ACOXL: variants seen among roughly 807,000 people sequenced by gnomAD.
ACOXL encodes acyl-CoA oxidase like.
Under a neutral mutation model 71.9 loss-of-function variants are expected in ACOXL, and 70 were observed. The ratio of observed to expected loss-of-function variants is 0.97; its 90% CI spans 0.80 to 1.19. The LOEUF is 1.19. Among genes scored for constraint, ACOXL ranks in the 50% most tolerant of loss-of-function variants. The probability of loss-of-function intolerance (pLI) is 0.00; values close to 1 mark genes in which losing one functional copy is unlikely to be tolerated. For missense variants in ACOXL, 703 were observed against 736.3 expected (o/e 0.95, Z 0.52); for synonymous variants, 253 against 281.6 (o/e 0.90, Z 1.02).
intron 12 of ACOXL, among the ~76,000 whole-genome samples, chr2:110,935,223 G>A (rs927923312): frequency 5.3e-5 from 8 of 152,118 alleles, no homozygotes; most frequent in African/African-American, 1.9e-4. Context: ...GACTCAGCCT[G>A]AGGGCTTGCG....
chr2:110,892,077 G>T, intron 10 of ACOXL, among the ~76,000 whole-genome samples: 1 of 152,046 alleles, frequency 6.6e-6, no homozygotes, highest in Admixed American at 6.6e-5. Flanking sequence ...TTTTGTCACA[G>T]GCATAATACA....
chr2:110,971,354 T>A (rs1388864083), intron 12 of ACOXL, among the ~76,000 whole-genome samples: 1 of 152,238 alleles, frequency 6.6e-6, no homozygotes, highest in Non-Finnish European at 1.5e-5. Context: ...CCAACACTAT[T>A]TTCCTGGTTG....
At chr2:110,788,143 C>T (rs1684215808) in intron 3 of ACOXL, among the ~76,000 whole-genome samples, 1 of 152,150 alleles carries the variant, frequency 6.6e-6, no homozygotes. Context: ...TGGATATATA[C>T]CCCAAATAAT....
chr2:110,840,700 A>G (rs1691063365), intron 9 of ACOXL, among the ~76,000 whole-genome samples: 1 of 152,204 alleles, frequency 6.6e-6, no homozygotes, highest in African/African-American at 2.4e-5. Context: ...AGTAAAGAGG[A>G]AATCACAGCT....
In ACOXL at chr2:110,798,600, T is replaced by C. The variant is rs757282052; in HGVS notation, c.346-10T>C. 1.2e-6 allele frequency: 2 copies of C among 1,609,210 alleles called. No homozygotes were observed. Among genetic ancestry groups the C allele is most frequent in the South Asian group, 2.2e-5 (2 of 90,982 alleles). ...AAGGGAAACACTGTTGCTCTGCTTT[T>C]TCTGTGTAGGAGTTTGTAATTGACA... On this transcript the variant is annotated splice_polypyrimidine_tract_variant and intron_variant, in intron 5 of 17. Coordinates refer to ENST00000439055, the MANE Select transcript of ACOXL (RefSeq NM_001142807.4).
At chr2:110,743,908 G>C (rs1443367867) in intron 1 of ACOXL, among the ~76,000 whole-genome samples, 10 of 152,240 alleles carry the variant, frequency 6.6e-5, no homozygotes, top group Admixed American at 5.9e-4. Context: ...AGCACCTTCT[G>C]TTCTATCCTG....
At chr2:111,082,285 A>G (rs935635744) in intron 16 of ACOXL, among the ~76,000 whole-genome samples, 1 of 152,080 alleles carries the variant, frequency 6.6e-6, no homozygotes, top group African/African-American at 2.4e-5. Flanking sequence ...ACAAAGGTCT[A>G]CTACCCAGAA....
intron 15 of ACOXL, among the ~76,000 whole-genome samples, chr2:111,038,496 C>T (rs934621847): frequency 1.1e-4 from 16 of 152,196 alleles, no homozygotes; most frequent in African/African-American, 3.6e-4. Flanking sequence ...TCTACAGCCC[C>T]TGTTCATTTA....
intron 11 of ACOXL, among the ~76,000 whole-genome samples, chr2:110,911,866 A>G (rs1438793493): frequency 6.6e-6 from 1 of 152,074 alleles, no homozygotes; most frequent in South Asian, 2.1e-4. Flanking sequence ...AGTCAAGACA[A>G]TTAGGCAAGG....
intron 10 of ACOXL, among the ~76,000 whole-genome samples, chr2:110,880,280 A>G (rs1299586775): frequency 6.6e-6 from 1 of 152,130 alleles, no homozygotes; most frequent in East Asian, 1.9e-4. Flanking sequence ...GTCCCCATTC[A>G]CCTTCCCAGC....
chr2:110,770,244 A>C (rs1428994846), intron 2 of ACOXL, among the ~76,000 whole-genome samples: 4 of 152,198 alleles, frequency 2.6e-5, no homozygotes, highest in African/African-American at 9.6e-5. Context: ...CTCCCAGTTC[A>C]GGAGACCACA....
chr2:110,931,519 A>G (rs1397572796), intron 11 of ACOXL, among the ~76,000 whole-genome samples: 1 of 152,160 alleles, frequency 6.6e-6, no homozygotes, highest in Non-Finnish European at 1.5e-5. Flanking sequence ...TCCTTAGGGC[A>G]CTGACAGGAA....
At chr2:110,840,372 A>G (rs1573776381) in intron 9 of ACOXL, among the ~76,000 whole-genome samples, 1 of 152,372 alleles carries the variant, frequency 6.6e-6, no homozygotes, top group African/African-American at 2.4e-5. Context: ...TTGCCTGTAT[A>G]TAGTGCTATT....
intron 11 of ACOXL, among the ~76,000 whole-genome samples, chr2:110,915,336 T>TATATATATATATATA (rs1558721442): frequency 3.6e-4 from 47 of 130,796 alleles, no homozygotes; most frequent in African/African-American, 1.1e-3. Context: ...TATATGCATT[T>TATATATATATATATA]TATATATATA....
At chr2:111,043,896 CTG>C (rs1287356292) in intron 15 of ACOXL, among the ~76,000 whole-genome samples, 1 of 152,226 alleles carries the variant, frequency 6.6e-6, no homozygotes, top group African/African-American at 2.4e-5. Context: ...CCCTACCAGA[CTG>C]AAGCTCAGCT....
At chr2:110,950,278 CCT>C (rs2061278483) in intron 12 of ACOXL, among the ~76,000 whole-genome samples, 1 of 152,046 alleles carries the variant, frequency 6.6e-6, no homozygotes, top group Non-Finnish European at 1.5e-5. Flanking sequence ...TTGTGAGTGT[CCT>C]AGGTTAGTAG....
chr2:110,780,441 A>C (rs1437041257), intron 2 of ACOXL, among the ~76,000 whole-genome samples: 1 of 152,228 alleles, frequency 6.6e-6, no homozygotes. Context: ...TGCATTCCTA[A>C]GGATTTACAA....
At chr2:110,850,985 A>G (rs1692528548) in intron 10 of ACOXL, among the ~76,000 whole-genome samples, 1 of 152,210 alleles carries the variant, frequency 6.6e-6, no homozygotes, top group South Asian at 2.1e-4. Context: ...AGCAATAAAA[A>G]GACATTCTGC....
intron 17 of ACOXL, among the ~76,000 whole-genome samples, chr2:111,095,531 T>C (rs1198694813): frequency 6.6e-6 from 1 of 151,752 alleles, no homozygotes; most frequent in Non-Finnish European, 1.5e-5. Flanking sequence ...GCTGGGATTA[T>C]AGGCACCCGC....
Sources: gnomAD v4.1 joint callset for allele counts (sites outside exome capture counted in the v4.1 genomes callset) on GRCh38, gnomAD v4.1.1 for gene constraint, MANE v1.5 for transcripts, NCBI Gene and HGNC (gene_info 2026-07-23, HGNC 2026-07-21) for gene names.